The following PRKN variants were observed in gnomAD, a reference collection of about 807,000 sequenced individuals.
PRKN encodes E3 ubiquitin-protein ligase parkin.
Under a neutral mutation model 59.5 loss-of-function variants are expected in PRKN, and 56 were observed. The ratio of observed to expected loss-of-function variants is 0.94; its 90% CI spans 0.76 to 1.18. The LOEUF is 1.18. Among genes scored for constraint, PRKN ranks in the 50% most tolerant of loss-of-function variants. PRKN has a pLI of 0.00. For synonymous variants in PRKN, 250 were observed against 222.1 expected, an observed-to-expected ratio of 1.13 and a Z score of -1.12; for missense variants, 657 against 596.4, an observed-to-expected ratio of 1.10 and a Z score of -1.06.
chr6:162,492,185 T>G (rs1429263217), intron 1 of PRKN, among the ~76,000 whole-genome samples: 3 of 152,192 alleles, frequency 2.0e-5, no homozygotes, highest in African/African-American at 4.8e-5. Context: ...GATGCCTAAA[T>G]GACTAACATG....
chr6:161,986,857 C>T (rs899509937), intron 5 of PRKN, among the ~76,000 whole-genome samples: 4 of 152,118 alleles, frequency 2.6e-5, no homozygotes, highest in African/African-American at 4.8e-5. Flanking sequence ...GCAAGAGAAA[C>T]ATACCTTTTG....
chr6:162,642,571 TTAGAAG>T (rs1480945256), intron 1 of PRKN, among the ~76,000 whole-genome samples: 2 of 152,020 alleles, frequency 1.3e-5, no homozygotes, highest in Non-Finnish European at 2.9e-5. Flanking sequence ...CAAACATTAT[TTAGAAG>T]TAATATTATC....
At chr6:162,008,236 G>C (rs921048390) in intron 5 of PRKN, among the ~76,000 whole-genome samples, 1 of 152,168 alleles carries the variant, frequency 6.6e-6, no homozygotes, top group Non-Finnish European at 1.5e-5. Flanking sequence ...TTTGGCACCA[G>C]ATAGTGAGAC....
At chr6:161,757,485 C>T (rs1191390359) in intron 7 of PRKN, among the ~76,000 whole-genome samples, 1 of 151,900 alleles carries the variant, frequency 6.6e-6, no homozygotes, top group Non-Finnish European at 1.5e-5. Flanking sequence ...AAAATATGTG[C>T]AAAAGATTTT....
chr6:162,429,911 T>A (rs1789426938), intron 2 of PRKN, among the ~76,000 whole-genome samples: 1 of 152,220 alleles, frequency 6.6e-6, no homozygotes, highest in African/African-American at 2.4e-5. Context: ...CGGTATCACC[T>A]TCCTCATTCT....
At chr6:161,636,122 C>T (rs1188221228) in intron 7 of PRKN, among the ~76,000 whole-genome samples, 1 of 152,222 alleles carries the variant, frequency 6.6e-6, no homozygotes, top group Non-Finnish European at 1.5e-5. Context: ...CAGCACAGAG[C>T]TAGAGACAAG....
chr6:161,391,570 G>A lies in PRKN; in HGVS notation c.1084-4693C>T, dbSNP rs1280766991. Among the ~76,000 whole-genome samples, 2 of 151,854 alleles carry A rather than the reference G, an allele frequency of 1.3e-5. No individual in the cohort carries two copies. The highest frequency in any genetic ancestry group is 4.8e-5 in the African/African-American group (2 of 41,288). ...AATCAAACACATGGACTGTATTATA[G>A]TCCCTGTGACGAGAGTTTATGTATT... On this transcript the variant is annotated intron_variant, in intron 9 of 11. Transcript: ENST00000366898. The surrounding 1 kb of genome is among the most constrained non-coding windows in gnomAD (Gnocchi z 4.9).
chr6:161,908,978 A>T (rs1419159186), intron 6 of PRKN, among the ~76,000 whole-genome samples: 1 of 152,214 alleles, frequency 6.6e-6, no homozygotes, highest in Non-Finnish European at 1.5e-5. Context: ...TAAAAAAATA[A>T]AATAAATTGA....
At chr6:161,806,531 T>A (rs1791332623) in intron 6 of PRKN, among the ~76,000 whole-genome samples, 1 of 152,170 alleles carries the variant, frequency 6.6e-6, no homozygotes, top group South Asian at 2.1e-4. Flanking sequence ...AGACCCTATG[T>A]GGCTATGAAG....
At chr6:162,364,633 C>A (rs906069169) in intron 2 of PRKN, among the ~76,000 whole-genome samples, 1 of 152,114 alleles carries the variant, frequency 6.6e-6, no homozygotes, top group African/African-American at 2.4e-5. Context: ...GCTCACATGG[C>A]CAGACAGCAA....
chr6:161,994,817 C>G (rs1022167641), intron 5 of PRKN, among the ~76,000 whole-genome samples: 2 of 151,792 alleles, frequency 1.3e-5, no homozygotes, highest in South Asian at 2.1e-4. Flanking sequence ...GAAGATGACA[C>G]AAACCAATGG....
intron 3 of PRKN, among the ~76,000 whole-genome samples, chr6:162,207,624 C>A (rs1785007488): frequency 6.6e-6 from 1 of 152,150 alleles, no homozygotes; most frequent in Non-Finnish European, 1.5e-5. Flanking sequence ...TGTGAGTGGA[C>A]CACTCTCTTC....
intron 9 of PRKN, among the ~76,000 whole-genome samples, chr6:161,495,623 AC>A (rs1305536337): frequency 2.0e-5 from 3 of 152,156 alleles, no homozygotes; most frequent in Non-Finnish European, 2.9e-5. Context: ...ACCTTCAACC[AC>A]CTGAGCACGC....
chr6:161,389,406 C>A (rs939845361), intron 9 of PRKN, among the ~76,000 whole-genome samples: 1 of 152,210 alleles, frequency 6.6e-6, no homozygotes, highest in Non-Finnish European at 1.5e-5. Context: ...ATTCTTATTT[C>A]TTCTCACAGC....
chr6:162,085,626 ACTATG>A (rs1346124947), intron 4 of PRKN, among the ~76,000 whole-genome samples: 8 of 152,104 alleles, frequency 5.3e-5, no homozygotes, highest in Non-Finnish European at 7.3e-5. Context: ...CTTGGTATGA[ACTATG>A]CTTACCAACT....
At chr6:161,838,125 C>T (rs145164415) in intron 6 of PRKN, among the ~76,000 whole-genome samples, 9 of 152,276 alleles carry the variant, frequency 5.9e-5, no homozygotes, top group African/African-American at 1.7e-4. Flanking sequence ...AAAGAGCTGA[C>T]GTGTCTGTAT....
At chr6:162,539,556 G>A (rs1414443863) in intron 1 of PRKN, among the ~76,000 whole-genome samples, 2 of 152,122 alleles carry the variant, frequency 1.3e-5, no homozygotes, top group Non-Finnish European at 2.9e-5. Context: ...GAATACCAGG[G>A]ACACATTCCT....
At chr6:162,443,178 A>C in intron 2 of PRKN, 132 bp downstream of exon 2, 1 of 856,080 alleles carries the variant, frequency 1.2e-6, no homozygotes, top group South Asian at 1.6e-5. Context: ...AGCAGTGTGG[A>C]GTAAAGTTCA....
intron 6 of PRKN, among the ~76,000 whole-genome samples, chr6:161,953,208 T>C (rs961667120): frequency 2.0e-5 from 3 of 151,972 alleles, no homozygotes; most frequent in Admixed American, 2.0e-4. Flanking sequence ...ACCTCCCGGG[T>C]TCAAGTGATT....
Sources: gnomAD v4.1 joint callset for allele counts (sites outside exome capture counted in the v4.1 genomes callset) on GRCh38, gnomAD v4.1.1 for gene constraint, Gnocchi (gnomAD v3.1) non-coding constraint, MANE v1.5 for transcripts, NCBI Gene and HGNC (gene_info 2026-07-23, HGNC 2026-07-21) for gene names.